FLRT2: variants seen among roughly 807,000 people sequenced by gnomAD.
FLRT2 encodes fibronectin leucine rich transmembrane protein 2, also known as leucine-rich repeat transmembrane protein FLRT2.
In FLRT2, 15 loss-of-function variants were observed where a neutral mutation model predicts 40.0. The observed-to-expected ratio is 0.38, with a 90% CI of 0.25 to 0.58. The LOEUF is 0.58. Ranked by LOEUF, FLRT2 falls within the 20% of genes least tolerant of loss-of-function variation. FLRT2 has a pLI of 0.71. For synonymous variants in FLRT2, 380 were observed against 336.8 expected (o/e 1.13, Z -1.41); for missense variants, 726 against 840.0 (o/e 0.86, Z 1.68).
chr14:85,552,186 TTC>T (rs1285547099), intron 1 of FLRT2, among the ~76,000 whole-genome samples: 3 of 152,196 alleles, frequency 2.0e-5, no homozygotes, highest in Non-Finnish European at 4.4e-5. Context: ...GTTCTAGTAA[TTC>T]TCTGATTCTC....
rs1894477315 is a variant in FLRT2 at position 85,653,287 on chromosome 14, G to A, written c.*29790G>A. 1.3e-5 allele frequency: 2 copies of A among 152,054 alleles called. No homozygotes were observed. Among genetic ancestry groups the A allele is most frequent in the African/African-American group, 4.8e-5 (2 of 41,404 alleles). The allele number at this position is 152,054 out of a possible 1,614,324, so 9.4% of individuals were successfully genotyped here. On this transcript the variant is annotated 3_prime_UTR_variant, in exon 2 of 2. Transcript: ENST00000330753. ...CTTTGCTAGGGAACAGATGTAACTTGGAGAAGTACCAATTTTGTCATTCTA... is the reference window on the plus strand; with the variant it reads ...CTTTGCTAGGGAACAGATGTAACTTAGAGAAGTACCAATTTTGTCATTCTA...
intron 1 of FLRT2, among the ~76,000 whole-genome samples, chr14:85,606,521 CTTTTTTT>C (rs532159794): frequency 9.0e-5 from 9 of 99,988 alleles, no homozygotes; most frequent in African/African-American, 2.5e-4. Context: ...AGCTGTTACT[CTTTTTTT>C]TTTTTTTTTT....
intron 1 of FLRT2, among the ~76,000 whole-genome samples, chr14:85,549,085 TTCCACTGAGA>T (rs1335207506): frequency 6.6e-6 from 1 of 152,176 alleles, no homozygotes; most frequent in African/African-American, 2.4e-5. Flanking sequence ...CAGCTCTTCA[TTCCACTGAGA>T]TCCACTTCCA....
rs1894262930 is a variant in FLRT2, at chr14:85,645,173, T to TATATGTATACCTATATATATGTATAC, written c.*21686_*21711dup. The TATATGTATACCTATATATATGTATAC allele has an allele frequency of 6.6e-6, 1 of 151,766 alleles. No homozygotes were observed. The highest frequency in any genetic ancestry group is 6.6e-5 in the Admixed American group (1 of 15,222). 9.4% of individuals were successfully genotyped at this position (151,766 alleles called of 1,614,324 possible). On this transcript the variant is annotated 3_prime_UTR_variant, in exon 2 of 2. Coordinates refer to ENST00000330753, the MANE Select transcript of FLRT2 (RefSeq NM_013231.6). ...ATATATACACACATATGTGTGTATG[T>TATATGTATACCTATATATATGTATAC]ATATGTATACCTATATATATGTATA... is the stretch of plus-strand genomic sequence containing the variant.
chr14:85,620,367 G>A (rs947680208), intron 1 of FLRT2, among the ~76,000 whole-genome samples: 2 of 152,002 alleles, frequency 1.3e-5, no homozygotes, highest in Admixed American at 1.3e-4. Context: ...ATAGAAAAAA[G>A]GAAAGTAAGC....
intron 1 of FLRT2, among the ~76,000 whole-genome samples, chr14:85,537,009 C>T (rs373386122): frequency 1.3e-5 from 2 of 152,132 alleles, no homozygotes; most frequent in Admixed American, 1.3e-4. Context: ...AAACTTGAGA[C>T]GAGCTCAAAA....
intron 1 of FLRT2, among the ~76,000 whole-genome samples, chr14:85,535,929 T>C (rs1666743993): frequency 1.2e-5 from 1 of 86,198 alleles, no homozygotes; most frequent in Non-Finnish European, 2.6e-5. Flanking sequence ...TTTGTTGTTG[T>C]TGTTGTTGTT....
In FLRT2 at chr14:85,622,540, T is replaced by C. The variant is rs748786318; in HGVS notation, c.1026T>C (p.Pro342=). 1 of 1,613,944 alleles carries C rather than the reference T, an allele frequency of 6.2e-7. No homozygotes were observed. Among genetic ancestry groups the C allele is most frequent in the African/African-American group, 1.3e-5 (1 of 74,896 alleles). ...LNVRGFMCQG[P]EQVRGMAVRE... is the part of the protein sequence containing the mutation. ...TGCGGGGTTTCATGTGCCAAGGTCC[T>C]GAACAAGTCCGGGGGATGGCCGTCA... The change falls in exon 2 of 2, where the codon CCT becomes CCC. Residue 342 remains proline, a synonymous_variant. Transcript: ENST00000330753.
intron 1 of FLRT2, among the ~76,000 whole-genome samples, chr14:85,620,091 A>G (rs1228841747): frequency 6.6e-6 from 1 of 152,170 alleles, no homozygotes; most frequent in African/African-American, 2.4e-5. Flanking sequence ...GAGCTTAGTC[A>G]TTCTCCTCGG....
In FLRT2 at chr14:85,639,866, T is replaced by TTTTTTTTTTTA. The variant is rs1894109702; in HGVS notation, c.*16369_*16370insTTTTTTTTTTA. 1 of 148,172 alleles carries TTTTTTTTTTTA rather than the reference T, an allele frequency of 6.7e-6. No homozygotes were observed. Among genetic ancestry groups the TTTTTTTTTTTA allele is most frequent in the Non-Finnish European group, 1.5e-5 (1 of 67,096 alleles). 9.2% of individuals were successfully genotyped at this position (148,172 alleles called of 1,614,324 possible). ...TTTTTTTTTCCTTTTTTTTTTTTTT[T>TTTTTTTTTTTA]GAGACAGTGTCTCGCTCTGTCCCCC... On this transcript the variant is annotated 3_prime_UTR_variant, in exon 2 of 2. Coordinates refer to ENST00000330753, the MANE Select transcript of FLRT2 (RefSeq NM_013231.6).
rs953314589 is a variant in FLRT2 at position 85,652,975 on chromosome 14, G to A, written c.*29478G>A. On this transcript the variant is annotated 3_prime_UTR_variant, in exon 2 of 2. Transcript: ENST00000330753. The stretch of plus-strand genomic sequence containing the variant: ...AATGTCATAGTTCATTCTGTGAGTG[G>A]AAGTTGCCTTTAACCACATGAGAAC... 1 of 152,126 alleles carries A rather than the reference G, an allele frequency of 6.6e-6. No individual in the cohort carries two copies. Among genetic ancestry groups the A allele is most frequent in the African/African-American group, 2.4e-5 (1 of 41,438 alleles). The allele number at this position is 152,126 out of a possible 1,614,324, so 9.4% of individuals were successfully genotyped here. A position where few individuals can be genotyped will look rare whatever the true frequency, so the allele number is the denominator to read the frequency against.
chr14:85,558,730 C>G (rs1331476062), intron 1 of FLRT2, among the ~76,000 whole-genome samples: 1 of 152,214 alleles, frequency 6.6e-6, no homozygotes, highest in Non-Finnish European at 1.5e-5. Flanking sequence ...GAGGTATTTA[C>G]TCACCAGGGA....
At chr14:85,597,855 T>C (rs1892211142) in intron 1 of FLRT2, among the ~76,000 whole-genome samples, 1 of 152,244 alleles carries the variant, frequency 6.6e-6, no homozygotes, top group South Asian at 2.1e-4. Flanking sequence ...AACGTGTGGC[T>C]TCAAATTGTA....
intron 1 of FLRT2, among the ~76,000 whole-genome samples, chr14:85,542,079 C>T (rs1889015751): frequency 6.6e-6 from 1 of 152,152 alleles, no homozygotes; most frequent in Non-Finnish European, 1.5e-5. Flanking sequence ...AAGGCTTATT[C>T]TATCCTTATA....
intron 1 of FLRT2, among the ~76,000 whole-genome samples, chr14:85,597,828 T>A (rs1892209506): frequency 6.6e-6 from 1 of 152,222 alleles, no homozygotes; most frequent in Non-Finnish European, 1.5e-5. Flanking sequence ...TCTAAAAACA[T>A]GAGTGAATTA....
chr14:85,553,543 T>C (rs575945645), intron 1 of FLRT2, among the ~76,000 whole-genome samples: 3 of 152,324 alleles, frequency 2.0e-5, no homozygotes, highest in East Asian at 3.9e-4. Flanking sequence ...GGCTGTGGGT[T>C]GGACAAGCTT....
intron 1 of FLRT2, among the ~76,000 whole-genome samples, chr14:85,611,917 C>CGTGTGTGT (rs71120529): frequency 0.014 from 1,823 of 130,928 alleles, 21 homozygotes; most frequent in Non-Finnish European, 0.02. Flanking sequence ...TGCGCGAAAG[C>CGTGTGTGT]GTGTGTGTGT....
rs1184869951 is a variant in FLRT2, at chr14:85,626,498, T to G, written c.*3001T>G. ...GGTAAATGTCACTGTACAGAAGACATTGAAAAGGAAGAGGCATAGTCATGA... is the reference window on the plus strand; with the variant it reads ...GGTAAATGTCACTGTACAGAAGACAGTGAAAAGGAAGAGGCATAGTCATGA... On this transcript the variant is annotated 3_prime_UTR_variant, in exon 2 of 2. Transcript: ENST00000330753. 6.0e-6 allele frequency: 1 copy of G among 167,008 alleles called. No individual in the cohort carries two copies. Among genetic ancestry groups the G allele is most frequent in the African/African-American group, 2.4e-5 (1 of 41,438 alleles). The allele number at this position is 167,008 out of a possible 1,614,324, so 10.3% of individuals were successfully genotyped here. A position where few individuals can be genotyped will look rare whatever the true frequency, so the allele number is the denominator to read the frequency against.
Position 85,646,250 on chromosome 14 carries a change from G to A in FLRT2, c.*22753G>A, listed in dbSNP as rs1169794561. The A allele has an allele frequency of 6.6e-6, 1 of 152,172 alleles. No individual in the cohort carries two copies. Among genetic ancestry groups the A allele is most frequent in the Admixed American group, 6.5e-5 (1 of 15,286 alleles). 9.4% of individuals were successfully genotyped at this position (152,172 alleles called of 1,614,324 possible). ...TCAGTTAGAGTGTCACTTGGATGAA[G>A]CTGTAATTGGAAGTTGAGGACACTG... is the stretch of plus-strand genomic sequence containing the variant. On this transcript the variant is annotated 3_prime_UTR_variant, in exon 2 of 2. Transcript: ENST00000330753.
Sources: allele counts gnomAD v4.1 joint callset (sites outside exome capture counted in the v4.1 genomes callset), GRCh38; gene constraint gnomAD v4.1.1; transcripts MANE v1.5; gene names NCBI Gene and HGNC (gene_info 2026-07-23, HGNC 2026-07-21).